The following SHANK2 variants were observed in gnomAD, a reference collection of about 807,000 sequenced individuals.
SHANK2 encodes the protein SH3 and multiple ankyrin repeat domains protein 2.
In SHANK2, 43 loss-of-function variants were observed where a neutral mutation model predicts 133.7. That is an observed-to-expected ratio of 0.32 (90% confidence interval 0.25 to 0.41). SHANK2 has a LOEUF of 0.41. Ranked by LOEUF, SHANK2 falls within the 10% of genes least tolerant of loss-of-function variation. The pLI is 1.00. For synonymous variants in SHANK2, 1,017 were observed against 952.8 expected (o/e 1.07, Z -1.24); for missense variants, 1,994 against 2,235.8 (o/e 0.89, Z 2.18).
chr11:71,231,509 T>A (rs1420001869), intron 1 of SHANK2, among the ~76,000 whole-genome samples: 1 of 152,190 alleles, frequency 6.6e-6, no homozygotes, highest in African/African-American at 2.4e-5. Context: ...GAAAACAGTG[T>A]AGCAGTTCCT....
chr11:70,736,293 G>C (rs1486693027), intron 14 of SHANK2, among the ~76,000 whole-genome samples: 6 of 152,118 alleles, frequency 3.9e-5, no homozygotes, highest in Admixed American at 3.9e-4. Context: ...CTGTGTGGGC[G>C]GGGTGAGTGC....
At chr11:70,501,887 G>A in intron 20 of SHANK2, 36 bp downstream of exon 20, 2 of 1,556,328 alleles carry the variant, frequency 1.3e-6, no homozygotes, top group South Asian at 2.4e-5. Flanking sequence ...TAGACAGCAG[G>A]GGGAGCTGCT....
intron 17 of SHANK2, among the ~76,000 whole-genome samples, chr11:70,578,151 C>A (rs759289725): frequency 6.6e-6 from 1 of 152,206 alleles, no homozygotes; most frequent in African/African-American, 2.4e-5. Flanking sequence ...CATGGCATCT[C>A]ATACACTGTA....
At chr11:70,671,834 C>T (rs530451434) in intron 15 of SHANK2, among the ~76,000 whole-genome samples, 5 of 152,248 alleles carry the variant, frequency 3.3e-5, no homozygotes, top group South Asian at 2.1e-4. Flanking sequence ...ACGGACTCTG[C>T]GGTGCCAGGC....
chr11:71,195,584 C>T (rs1953887757), intron 2 of SHANK2, among the ~76,000 whole-genome samples: 1 of 152,110 alleles, frequency 6.6e-6, no homozygotes, highest in African/African-American at 2.4e-5. Flanking sequence ...TATTTACATA[C>T]CCGAAACAGA....
intron 9 of SHANK2, among the ~76,000 whole-genome samples, chr11:71,067,766 C>A (rs1204684198): frequency 6.6e-6 from 1 of 151,982 alleles, no homozygotes; most frequent in Non-Finnish European, 1.5e-5. Flanking sequence ...GCCACCATCA[C>A]CATCACTGCC....
At chr11:71,161,161 A>C (rs1488128809) in intron 2 of SHANK2, among the ~76,000 whole-genome samples, 1 of 152,226 alleles carries the variant, frequency 6.6e-6, no homozygotes, top group Non-Finnish European at 1.5e-5. Context: ...ATTCAGGCAC[A>C]ACTGACCAGC....
chr11:70,545,217 CCT>C (rs2059675654), intron 17 of SHANK2, among the ~76,000 whole-genome samples: 1 of 152,256 alleles, frequency 6.6e-6, no homozygotes, highest in Non-Finnish European at 1.5e-5. Flanking sequence ...TGTCTGAGCT[CCT>C]AATCCGGCTG....
chr11:70,944,884 T>G (rs1453854820), intron 10 of SHANK2, among the ~76,000 whole-genome samples: 1 of 152,242 alleles, frequency 6.6e-6, no homozygotes, highest in Non-Finnish European at 1.5e-5. Context: ...GCCATTTTTT[T>G]GCAATCATTA....
At chr11:70,943,537 A>C (rs1555084753) in intron 10 of SHANK2, among the ~76,000 whole-genome samples, 2 of 152,072 alleles carry the variant, frequency 1.3e-5, no homozygotes, top group Admixed American at 6.5e-5. Flanking sequence ...CAGCAAACTC[A>C]TGGGGTGAGC....
intron 11 of SHANK2, among the ~76,000 whole-genome samples, chr11:70,878,336 C>A (rs556850969): frequency 6.6e-6 from 1 of 152,334 alleles, no homozygotes; most frequent in South Asian, 2.1e-4. Flanking sequence ...CACTGGGCCA[C>A]ACCTCTCAAT....
At chr11:71,057,877 CTTATA>C (rs1170217665) in intron 9 of SHANK2, among the ~76,000 whole-genome samples, 1 of 142,042 alleles carries the variant, frequency 7.0e-6, no homozygotes, top group Non-Finnish European at 1.5e-5. Context: ...AATATGTGGG[CTTATA>C]TTATTTAATG....
At chr11:70,942,537 T>A (rs940849147) in intron 10 of SHANK2, 12 of 456,412 alleles carry the variant, frequency 2.6e-5, no homozygotes, top group African/African-American at 2.4e-4. Flanking sequence ...CACCCCCACA[T>A]TGAGGAATCA....
At chr11:70,856,188 G>T (rs1949168942) in intron 11 of SHANK2, among the ~76,000 whole-genome samples, 1 of 151,622 alleles carries the variant, frequency 6.6e-6, no homozygotes, top group African/African-American at 2.4e-5. Flanking sequence ...ATGGATGAAT[G>T]AATAGATGAA....
intron 11 of SHANK2, among the ~76,000 whole-genome samples, chr11:70,867,109 G>C (rs1949374965): frequency 7.1e-6 from 1 of 141,584 alleles, no homozygotes; most frequent in South Asian, 2.5e-4. Flanking sequence ...ATCCAATTCG[G>C]TGTATTTAAA....
In SHANK2 at chr11:70,490,378, C is replaced by G. The variant is rs782788810; in HGVS notation, c.2449G>C (p.Glu817Gln). 5.0e-6 allele frequency: 8 copies of G among 1,614,148 alleles called. 1 individual carries two copies. The South Asian group carries it at 8.8e-5, about 18-fold the overall frequency. The change falls in exon 23 of 26, where the codon GAA becomes CAA. Residue 817 changes from glutamate to glutamine, a missense_variant. Transcript: ENST00000601538. ...GTCATCACGGCGATTCCTTGGCGTT[C>G]GTACACAGACTGCAAACCAGAGAGC... ...PAGSDMNSVY[E>Q]RQGIAVMTPT...
At position 70,840,610 on chromosome 11, in the gene SHANK2, A is replaced by G. The variant is rs1363333153; in HGVS notation, c.1175-19928T>C. Reference sequence around the variant, plus strand: ...CCCTCTCCCTCTGAACTGTCCACAAATAAAAGGGCACACAGCGGCAGCCAC... The same window carrying G: ...CCCTCTCCCTCTGAACTGTCCACAAGTAAAAGGGCACACAGCGGCAGCCAC... On this transcript the variant is annotated intron_variant, in intron 11 of 25. Coordinates refer to ENST00000601538, the MANE Select transcript of SHANK2 (RefSeq NM_012309.5). Among the ~76,000 whole-genome samples the G allele has an allele frequency of 5.3e-5, 8 of 152,212 alleles. 1 individual carries two copies.
At chr11:70,827,690 A>AACACACACACAC (rs113156725) in intron 11 of SHANK2, among the ~76,000 whole-genome samples, 1 of 130,458 alleles carries the variant, frequency 7.7e-6, no homozygotes, top group Non-Finnish European at 1.6e-5. Flanking sequence ...AGAAATTTAA[A>AACACACACACAC]ACACACACAC....
intron 14 of SHANK2, among the ~76,000 whole-genome samples, chr11:70,743,755 G>A (rs1946581361): frequency 6.6e-6 from 1 of 152,118 alleles, no homozygotes; most frequent in South Asian, 2.1e-4. Flanking sequence ...CTCAGATCCT[G>A]GTGAACTCTG....
Sources: gnomAD v4.1 joint callset for allele counts (sites outside exome capture counted in the v4.1 genomes callset) on GRCh38, gnomAD v4.1.1 for gene constraint, MANE v1.5 for transcripts, NCBI Gene and HGNC (gene_info 2026-07-23, HGNC 2026-07-21) for gene names.